The following NELL2 variants were observed in gnomAD, a reference collection of about 807,000 sequenced individuals.
NELL2 encodes the protein neural EGFL like 2.
A neutral mutation model predicts 109.6 loss-of-function variants in NELL2; 41 were observed. The ratio of observed to expected loss-of-function variants is 0.37; its 90% confidence interval spans 0.29 to 0.49. The LOEUF (loss-of-function observed/expected upper bound fraction) is 0.49. NELL2 is among the 20% of genes least tolerant of loss of function. The pLI, the probability that NELL2 is intolerant of heterozygous loss-of-function variation, is 0.98. For synonymous variants in NELL2, 355 were observed against 344.7 expected (o/e 1.03, Z -0.33); for missense variants, 900 against 1,008.3 (o/e 0.89, Z 1.45).
At chr12:44,815,869 G>A (rs565251165) in intron 3 of NELL2, 117 bp downstream of exon 3, 35 of 1,151,802 alleles carry the variant, frequency 3.0e-5, no homozygotes, top group Admixed American at 9.6e-5. Context: ...TGCCCACCTC[G>A]GCTTCCCAAA....
At chr12:44,920,744 A>G (rs117743212) in intron 1 of NELL2, among the ~76,000 whole-genome samples, 1 of 152,340 alleles carries the variant, frequency 6.6e-6, no homozygotes, top group East Asian at 1.9e-4. Context: ...CAGATTTTAA[A>G]TTGAAGATTA....
At chr12:44,750,587 C>A (rs187243585) in intron 9 of NELL2, among the ~76,000 whole-genome samples, 3 of 152,088 alleles carry the variant, frequency 2.0e-5, no homozygotes, top group Non-Finnish European at 4.4e-5. Context: ...CCAAGAAATT[C>A]ACTAGATTCA....
rs533093696 is a variant in NELL2 at position 44,552,318 on chromosome 12, CCT to C, written c.1664-19599_1664-19598del. 2.7e-4 allele frequency among the ~76,000 whole-genome samples: 41 copies of C among 152,186 alleles called. No homozygotes were observed. The South Asian group carries it at 8.1e-3, about 30-fold the overall frequency. On this transcript the variant is annotated intron_variant, in intron 15 of 19. Transcript: ENST00000429094. ...GAGGAGATGAATAACATCCTTGTAA[CCT>C]GTCATTTTTAAAGATGATACTAAAA...
At chr12:44,588,847 G>A (rs878944162) in intron 15 of NELL2, among the ~76,000 whole-genome samples, 1 of 152,078 alleles carries the variant, frequency 6.6e-6, no homozygotes, top group African/African-American at 2.4e-5. Flanking sequence ...TATCCATTAT[G>A]CAATAATTCC....
intron 9 of NELL2, among the ~76,000 whole-genome samples, chr12:44,735,247 T>A (rs1359094437): frequency 6.6e-6 from 1 of 152,190 alleles, no homozygotes; most frequent in Non-Finnish European, 1.5e-5. Flanking sequence ...GTCTGTTGTT[T>A]CTGCCAGTTT....
At chr12:44,684,732 G>A (rs1351500666) in intron 12 of NELL2, among the ~76,000 whole-genome samples, 1 of 152,174 alleles carries the variant, frequency 6.6e-6, no homozygotes, top group Non-Finnish European at 1.5e-5. Flanking sequence ...GTGGTTTTGA[G>A]TGAGATTCTT....
At chr12:44,570,140 T>C (rs1052630132) in intron 15 of NELL2, among the ~76,000 whole-genome samples, 2 of 152,212 alleles carry the variant, frequency 1.3e-5, no homozygotes, top group African/African-American at 4.8e-5. Flanking sequence ...GAGAATGTAA[T>C]ACGGAATTAT....
intron 2 of NELL2, among the ~76,000 whole-genome samples, chr12:44,850,055 G>C (rs981919114): frequency 1.3e-5 from 2 of 151,916 alleles, no homozygotes; most frequent in Non-Finnish European, 2.9e-5. Flanking sequence ...TTTGGGTGGC[G>C]GTTATCTGAT....
intron 3 of NELL2, among the ~76,000 whole-genome samples, chr12:44,810,478 C>T (rs1345146130): frequency 6.6e-6 from 1 of 151,986 alleles, no homozygotes; most frequent in African/African-American, 2.4e-5. Context: ...GGTTCATCTG[C>T]CCATTTGTAT....
At chr12:44,878,970 T>A (rs1031300506), upstream of NELL2, among the ~76,000 whole-genome samples, 17 of 152,214 alleles carry the variant, frequency 1.1e-4, no homozygotes, top group African/African-American at 1.4e-4. Flanking sequence ...AGATTGTTAA[T>A]CAGGTAACCT....
intron 12 of NELL2, among the ~76,000 whole-genome samples, chr12:44,696,502 T>C (rs961287722): frequency 6.6e-6 from 1 of 152,208 alleles, no homozygotes; most frequent in African/African-American, 2.4e-5. Flanking sequence ...TTTTAATGTG[T>C]ATGTTATTTA....
chr12:44,660,369 C>G (rs990909839), intron 13 of NELL2, among the ~76,000 whole-genome samples: 2 of 152,160 alleles, frequency 1.3e-5, no homozygotes, highest in Admixed American at 1.3e-4. Flanking sequence ...AGATTAATCA[C>G]TCATCTGAAA....
chr12:44,910,444 A>G (rs1295137221), intron 1 of NELL2, among the ~76,000 whole-genome samples: 1 of 151,996 alleles, frequency 6.6e-6, no homozygotes, highest in Non-Finnish European at 1.5e-5. Flanking sequence ...CTATTATTAA[A>G]AACTCAAAAA....
intron 12 of NELL2, among the ~76,000 whole-genome samples, chr12:44,672,357 T>A (rs190568350): frequency 6.6e-6 from 1 of 152,244 alleles, no homozygotes; most frequent in African/African-American, 2.4e-5. Context: ...TATTGTGAAC[T>A]GTTCATGTGA....
intron 3 of NELL2, 73 bp downstream of exon 3, chr12:44,815,913 G>A (rs1943329563): frequency 6.7e-7 from 1 of 1,503,244 alleles, no homozygotes; most frequent in Non-Finnish European, 9.0e-7. Context: ...GAAAGCTTTT[G>A]TTTACTTCTC....
intron 3 of NELL2, among the ~76,000 whole-genome samples, chr12:44,810,453 C>A (rs914930658): frequency 6.6e-6 from 1 of 151,930 alleles, no homozygotes; most frequent in Non-Finnish European, 1.5e-5. Context: ...TCTAGAGACC[C>A]AATTCTAAGC....
rs1555217704 is a variant in NELL2, at chr12:44,791,095, A to ATG, written c.336-11075_336-11074dup. Among the ~76,000 whole-genome samples the ATG allele has an allele frequency of 3.6e-4, 5 of 13,800 alleles. 1 individual carries two copies. The highest frequency in any genetic ancestry group is 3.3e-3 in the Admixed American group (2 of 610). 9.1% of individuals were successfully genotyped at this position (13,800 alleles called of 152,430 possible). On this transcript the variant is annotated intron_variant, in intron 3 of 19. Coordinates refer to ENST00000429094, the MANE Select transcript of NELL2 (RefSeq NM_001145108.2). Reference sequence around the variant, plus strand: ...TATATATATATACATATATATATATATGTATATATATATGTATATATATAT... The same window carrying ATG: ...TATATATATATACATATATATATATATGTGTATATATATATGTATATATATAT...
At chr12:44,796,739 G>A (rs955692792) in intron 3 of NELL2, among the ~76,000 whole-genome samples, 1 of 152,066 alleles carries the variant, frequency 6.6e-6, no homozygotes, top group Non-Finnish European at 1.5e-5. Context: ...ATATAGCTAG[G>A]AGCCAAAATT....
At chr12:44,914,891 C>G (rs1023428822), upstream of NELL2, among the ~76,000 whole-genome samples, 13 of 151,972 alleles carry the variant, frequency 8.6e-5, no homozygotes, top group African/African-American at 2.7e-4. Context: ...CATCTGTCGC[C>G]CAGGCTGGAG....
Sources: allele counts gnomAD v4.1 joint callset (sites outside exome capture counted in the v4.1 genomes callset), GRCh38; gene constraint gnomAD v4.1.1; transcripts MANE v1.5; gene names NCBI Gene and HGNC (gene_info 2026-07-23, HGNC 2026-07-21).